The following MAGI2 variants were observed in gnomAD, a reference collection of about 807,000 sequenced individuals.
The protein encoded by MAGI2 is membrane associated guanylate kinase, WW and PDZ domain containing 2.
MAGI2 carries 35 observed loss-of-function variants against 133.3 expected under a neutral mutation model. The observed-to-expected ratio is 0.26, with a 90% CI of 0.20 to 0.35. The LOEUF (loss-of-function observed/expected upper bound fraction) is 0.35, where lower values mean the gene tolerates loss of function less well. Ranked by LOEUF, MAGI2 falls within the 10% of genes least tolerant of loss-of-function variation. MAGI2 has a pLI of 1.00. For missense variants in MAGI2, 1,636 were observed against 1,863.4 expected (o/e 0.88, Z 2.25); for synonymous variants, 729 against 710.6 (o/e 1.03, Z -0.41).
chr7:78,317,110 T>A (rs563753496), intron 9 of MAGI2, among the ~76,000 whole-genome samples: 2 of 152,226 alleles, frequency 1.3e-5, no homozygotes, highest in African/African-American at 4.8e-5. Context: ...ATAAAACAAC[T>A]ATTGCATATT....
intron 2 of MAGI2, among the ~76,000 whole-genome samples, chr7:78,865,887 T>C (rs1042939451): frequency 1.3e-5 from 2 of 152,122 alleles, no homozygotes; most frequent in Non-Finnish European, 2.9e-5. Context: ...AAGGACCATA[T>C]AGGAGCAGTA....
intron 6 of MAGI2, among the ~76,000 whole-genome samples, chr7:78,414,195 GTAAA>G (rs1798099223): frequency 1.3e-5 from 2 of 151,898 alleles, no homozygotes; most frequent in African/African-American, 4.8e-5. Flanking sequence ...ATAAATGCCC[GTAAA>G]TAAGGGAAAG....
At chr7:79,191,409 T>C (rs1246701212) in intron 1 of MAGI2, among the ~76,000 whole-genome samples, 9 of 93,050 alleles carry the variant, frequency 9.7e-5, no homozygotes, top group African/African-American at 3.9e-4. Context: ...TTTCTTTTTT[T>C]TTTTTTTTTT....
intron 2 of MAGI2, among the ~76,000 whole-genome samples, chr7:78,750,586 T>G (rs1823363500): frequency 6.6e-6 from 1 of 152,104 alleles, no homozygotes; most frequent in South Asian, 2.1e-4. Flanking sequence ...GATCCTGCAT[T>G]CTAGTAGGGG....
chr7:79,258,433 C>T (rs1020615034), intron 1 of MAGI2, among the ~76,000 whole-genome samples: 1 of 152,144 alleles, frequency 6.6e-6, no homozygotes, highest in African/African-American at 2.4e-5. Flanking sequence ...AACCTTCTTC[C>T]TTCAACCAGG....
rs143862195 is a variant in MAGI2 at position 78,242,452 on chromosome 7, TTTG to T, written c.2047+13488_2047+13490del. Among the ~76,000 whole-genome samples, 1,340 of 152,324 alleles carry T rather than the reference TTTG, an allele frequency of 8.8e-3. 17 individuals carry two copies. Among genetic ancestry groups the T allele is most frequent in the African/African-American group, 0.031 (1,286 of 41,570 alleles). On this transcript the variant is annotated intron_variant, in intron 10 of 21. Transcript: ENST00000354212. ...TAAGTCGCTAAGACTTCATGGTGTA[TTTG>T]TTAATACAGTAGCCAGTATGTCATG...
At chr7:79,420,580 G>C (rs1258653425) in intron 1 of MAGI2, among the ~76,000 whole-genome samples, 1 of 151,904 alleles carries the variant, frequency 6.6e-6, no homozygotes, top group African/African-American at 2.4e-5. Flanking sequence ...AATTAAACAT[G>C]TGGTTTCTCT....
chr7:79,184,233 A>C (rs922567177), intron 1 of MAGI2, among the ~76,000 whole-genome samples: 1 of 151,650 alleles, frequency 6.6e-6, no homozygotes, highest in Non-Finnish European at 1.5e-5. Context: ...ATATATTAAA[A>C]CATCACATTG....
At chr7:78,219,998 T>C (rs1032407394) in intron 10 of MAGI2, among the ~76,000 whole-genome samples, 1 of 152,172 alleles carries the variant, frequency 6.6e-6, no homozygotes, top group Admixed American at 6.5e-5. Flanking sequence ...TCTTTTCTTC[T>C]ATAGTGGTGT....
At chr7:78,570,484 C>T (rs556068757) in intron 3 of MAGI2, among the ~76,000 whole-genome samples, 10 of 152,116 alleles carry the variant, frequency 6.6e-5, no homozygotes, top group South Asian at 6.2e-4. Flanking sequence ...GGAAGCAGGA[C>T]GAATCAAGTA....
intron 2 of MAGI2, among the ~76,000 whole-genome samples, chr7:78,768,880 T>TCA (rs1409537132): frequency 6.6e-6 from 1 of 152,188 alleles, no homozygotes; most frequent in Non-Finnish European, 1.5e-5. Context: ...TGCTCTGTAG[T>TCA]CACACAATCA....
intron 14 of MAGI2, among the ~76,000 whole-genome samples, chr7:78,176,946 C>CACACACACACAA: frequency 6.7e-6 from 1 of 149,484 alleles, no homozygotes. Context: ...CACACACACA[C>CACACACACACAA]ACACATATAT....
Position 78,333,714 on chromosome 7 carries a change from G to A in MAGI2, c.1408+10064C>T, listed in dbSNP as rs143074972. ...AGCAATGCCTGGCAAGATCTCAGGT[G>A]TCCCAACCATCCCAGCGGAGGCATG... is the stretch of plus-strand genomic sequence containing the variant. On this transcript the variant is annotated intron_variant, in intron 9 of 21. Transcript: ENST00000354212. 1.7e-3 allele frequency among the ~76,000 whole-genome samples: 266 copies of A among 152,310 alleles called. 1 individual carries two copies. Among genetic ancestry groups the A allele is most frequent in the South Asian group, 5.2e-3 (25 of 4,826 alleles).
At chr7:78,755,600 A>G (rs930685406) in intron 2 of MAGI2, among the ~76,000 whole-genome samples, 1 of 152,220 alleles carries the variant, frequency 6.6e-6, no homozygotes, top group African/African-American at 2.4e-5. Flanking sequence ...TACCTCTGAA[A>G]GTCTGATCCA....
intron 6 of MAGI2, among the ~76,000 whole-genome samples, chr7:78,408,467 C>G (rs1797588460): frequency 6.6e-6 from 1 of 151,904 alleles, no homozygotes; most frequent in South Asian, 2.1e-4. Context: ...TCTTTGATAC[C>G]CAGTACCTGA....
intron 6 of MAGI2, among the ~76,000 whole-genome samples, chr7:78,441,239 A>C (rs1327587757): frequency 6.6e-6 from 1 of 152,208 alleles, no homozygotes; most frequent in Non-Finnish European, 1.5e-5. Context: ...GATTACATAC[A>C]TAACCTTGAT....
chr7:78,847,929 A>C, intron 2 of MAGI2, among the ~76,000 whole-genome samples: 1 of 152,122 alleles, frequency 6.6e-6, no homozygotes, highest in Middle Eastern at 3.4e-3. Flanking sequence ...GTATTTAATA[A>C]GTATTAACTG....
rs1210002433 is a variant in MAGI2, at chr7:79,305,068, T to C, written c.301+147952A>G. Among the ~76,000 whole-genome samples the C allele has an allele frequency of 3.9e-5, 6 of 152,132 alleles. No individual in the cohort carries two copies. The East Asian group carries it at 1.2e-3, about 29-fold the overall frequency. On this transcript the variant is annotated intron_variant, in intron 1 of 21. Coordinates refer to ENST00000354212, the MANE Select transcript of MAGI2 (RefSeq NM_012301.4). ...ATGGGAAAATACAGATGAGGAAATG[T>C]CAACAGAAAAAATGCAGAGATGGAG...
chr7:78,217,665 T>A (rs1788405833), intron 10 of MAGI2, among the ~76,000 whole-genome samples: 1 of 152,198 alleles, frequency 6.6e-6, no homozygotes, highest in Non-Finnish European at 1.5e-5. Flanking sequence ...CCACACCCTC[T>A]CTGACTCCAG....
Sources: gnomAD v4.1 joint callset for allele counts (sites outside exome capture counted in the v4.1 genomes callset) on GRCh38, gnomAD v4.1.1 for gene constraint, MANE v1.5 for transcripts, NCBI Gene and HGNC (gene_info 2026-07-23, HGNC 2026-07-21) for gene names.